Variants in ZNF417 observed in about 807,000 individuals in gnomAD.
ZNF417 encodes the protein zinc finger protein 417.
Under a neutral mutation model 7.4 loss-of-function variants are expected in ZNF417, and 5 were observed. The observed-to-expected ratio is 0.68, with a 90% confidence interval of 0.35 to 1.43. The LOEUF (loss-of-function observed/expected upper bound fraction) is 1.43. Among genes scored for constraint, ZNF417 ranks in the 40% most tolerant of loss-of-function variants. The pLI is 0.04. For synonymous variants in ZNF417, 147 were observed against 239.1 expected (o/e 0.61, Z 3.55); for missense variants, 437 against 697.3 (o/e 0.63, Z 4.20).
At chr19:57,910,772 G>A (rs1191050129) in intron 2 of ZNF417, among the ~76,000 whole-genome samples, 10 of 151,344 alleles carry the variant, frequency 6.6e-5, no homozygotes, top group South Asian at 6.3e-4. Context: ...GACTGGGCGC[G>A]GTGGCTCATG....
intron 1 of ZNF417, among the ~76,000 whole-genome samples, chr19:57,913,405 C>T (rs1189429712): frequency 6.6e-6 from 1 of 152,180 alleles, no homozygotes; most frequent in Admixed American, 6.5e-5. Context: ...TTTTGTGCTG[C>T]ACCAGCTGAG....
At position 57,908,772 on chromosome 19, in the gene ZNF417, A is replaced by G; in HGVS notation, c.1506T>C (p.Leu502=). 6.2e-7 allele frequency: 1 copy of G among 1,613,462 alleles called. No homozygotes were observed. Among genetic ancestry groups the G allele is most frequent in the East Asian group, 2.2e-5 (1 of 44,868 alleles). ...TATGAACATGAAGCGCAGAGCTGGAAAGAAATGATTTCCCACATTCATTGC... is the reference window on the plus strand; with the variant it reads ...TATGAACATGAAGCGCAGAGCTGGAGAGAAATGATTTCCCACATTCATTGC... ...YECNECGKSF[L]SSSALHVHKR... The change falls in exon 3 of 3, where the codon CTT becomes CTC. Residue 502 remains leucine, a synonymous_variant. Transcript: ENST00000312026.
intron 1 of ZNF417, 96 bp downstream of exon 1, chr19:57,916,283 C>T (rs983935355): frequency 5.0e-6 from 8 of 1,606,158 alleles, no homozygotes; most frequent in African/African-American, 2.7e-5. Context: ...ACGCCGGGTA[C>T]CGGCTACAGA....
At chr19:57,916,245 C>A in intron 1 of ZNF417, 134 bp downstream of exon 1, 1 of 1,533,634 alleles carries the variant, frequency 6.5e-7, no homozygotes, top group South Asian at 1.2e-5. Flanking sequence ...TACACAGGGA[C>A]CCCTCCTGCG....
chr19:57,910,158 G>A (rs745481649), intron 2 of ZNF417, 44 bp from the exon 3 acceptor site: 11 of 1,583,508 alleles, frequency 6.9e-6, no homozygotes, highest in African/African-American at 5.4e-5. Flanking sequence ...TACCTCTGAC[G>A]GGAAGGCACA....
rs1416129576 is a variant in ZNF417 at position 57,909,291 on chromosome 19, A to G, written c.987T>C (p.Tyr329=). ...TGERPYECRE[Y]GKSFGQKGNL... ...TACCCTTTTGACCAAAAGATTTCCC[A>G]TATTCTCTACACTCATAAGGCCTTT... The change falls in exon 3 of 3, where the codon TAT becomes TAC. Residue 329 remains tyrosine (Y), a synonymous_variant. Coordinates refer to ENST00000312026, the MANE Select transcript of ZNF417 (RefSeq NM_152475.3). 1.2e-6 allele frequency: 2 copies of G among 1,614,012 alleles called. No homozygotes were observed. Among genetic ancestry groups the G allele is most frequent in the African/African-American group, 1.3e-5 (1 of 74,922 alleles).
At chr19:57,912,619 T>C (rs868322601) in intron 1 of ZNF417, among the ~76,000 whole-genome samples, 2 of 151,682 alleles carry the variant, frequency 1.3e-5, no homozygotes, top group Non-Finnish European at 2.9e-5. Flanking sequence ...TTTTTTGGGG[T>C]TTTTTTTGAG....
In ZNF417 at chr19:57,912,193, T is replaced by C. The variant is rs1328156955; in HGVS notation, c.34-4A>G. ...CTTCAAAGGTCACAGTGCCCTGCTATGATAGTGACAGATGAAACCACAAAC... is the reference window on the plus strand; with the variant it reads ...CTTCAAAGGTCACAGTGCCCTGCTACGATAGTGACAGATGAAACCACAAAC... On this transcript the variant is annotated splice_region_variant and splice_polypyrimidine_tract_variant and intron_variant, in intron 1 of 2. Transcript: ENST00000312026. 3 of 1,612,070 alleles carry C rather than the reference T, an allele frequency of 1.9e-6. No individual in the cohort carries two copies. The highest frequency in any genetic ancestry group is 2.5e-6 in the Non-Finnish European group (3 of 1,179,404).
chr19:57,909,193 C>A lies in ZNF417; in HGVS notation c.1085G>T (p.Arg362Leu). The change falls in exon 3 of 3, where the codon CGT (arginine) becomes CTT (leucine). Residue 362 changes from arginine to leucine, a missense_variant. This residue lies in a region of ZNF417 where 53 missense variants were observed against 91.9 expected (regional missense o/e 0.58). Coordinates refer to ENST00000312026, the MANE Select transcript of ZNF417 (RefSeq NM_152475.3). ...YHCGECGKSF[R>L]QKFCFINHQR... ...ATGGTTAATAAAGCAGAACTTCTGA[C>A]GAAAAGATTTCCCACATTCCCCACA... 1.2e-6 allele frequency: 2 copies of A among 1,613,998 alleles called. No homozygotes were observed. The highest frequency in any genetic ancestry group is 1.1e-5 in the South Asian group (1 of 91,072).
intron 2 of ZNF417, among the ~76,000 whole-genome samples, chr19:57,911,242 C>T (rs1173102586): frequency 6.6e-6 from 1 of 152,138 alleles, no homozygotes; most frequent in Non-Finnish European, 1.5e-5. Flanking sequence ...GTGGATATCA[C>T]AGTAGAAGTG....
chr19:57,908,359 G>C lies in ZNF417; in HGVS notation c.*191C>G, dbSNP rs2071856144. 6 of 1,070,834 alleles carry C rather than the reference G, an allele frequency of 5.6e-6. No individual in the cohort carries two copies. The highest frequency in any genetic ancestry group is 8.0e-6 in the Non-Finnish European group (6 of 750,950). The allele number at this position is 1,070,834 out of a possible 1,614,324, so 66.3% of individuals were successfully genotyped here. A position where few individuals can be genotyped will look rare whatever the true frequency, so the allele number is the denominator to read the frequency against. The stretch of plus-strand genomic sequence containing the variant: ...GCCCAAGTTGCAGTGAGCCAAGATT[G>C]CACCACTGCACTCCAGCCTGGGTGA... On this transcript the variant is annotated 3_prime_UTR_variant, in exon 3 of 3. Transcript: ENST00000312026.
Position 57,906,654 on chromosome 19 carries a change from G to A in ZNF417, c.*1896C>T, listed in dbSNP as rs1374468857. Among the ~76,000 whole-genome samples the A allele has an allele frequency of 7.0e-6, 1 of 142,312 alleles. No homozygotes were observed. Among genetic ancestry groups the A allele is most frequent in the Non-Finnish European group, 1.5e-5 (1 of 64,952 alleles). 93.4% of individuals were successfully genotyped at this position (142,312 alleles called of 152,430 possible). A position where few individuals can be genotyped will look rare whatever the true frequency, so the allele number is the denominator to read the frequency against. On this transcript the variant is annotated 3_prime_UTR_variant, in exon 3 of 3. Transcript: ENST00000312026. ...AGGGAACCTATAGGCCCAGCTACTTGGGAGGCTGAGGCAAGAGAATCACTT... is the reference window on the plus strand; with the variant it reads ...AGGGAACCTATAGGCCCAGCTACTTAGGAGGCTGAGGCAAGAGAATCACTT...
intron 1 of ZNF417, among the ~76,000 whole-genome samples, chr19:57,913,074 C>T (rs1194498569): frequency 3.3e-5 from 5 of 151,672 alleles, no homozygotes; most frequent in Admixed American, 6.6e-5. Flanking sequence ...CTTGATAAAA[C>T]GGGCTGTTAG....
Position 57,912,206 on chromosome 19 carries a change from T to C in ZNF417, c.34-17A>G, listed in dbSNP as rs567660477. The stretch of plus-strand genomic sequence containing the variant: ...AGTGCCCTGCTATGATAGTGACAGA[T>C]GAAACCACAAACAGCCCCTCTGCTG... On this transcript the variant is annotated splice_polypyrimidine_tract_variant and intron_variant, in intron 1 of 2. Coordinates refer to ENST00000312026, the MANE Select transcript of ZNF417 (RefSeq NM_152475.3). The C allele has an allele frequency of 5.0e-6, 8 of 1,612,256 alleles. No homozygotes were observed. In the Admixed American group the frequency reaches 1.0e-4, roughly 20 times the overall value.
At chr19:57,910,275 G>C (rs1016524187) in intron 2 of ZNF417, among the ~76,000 whole-genome samples, 161 bp from the exon 3 acceptor site, 8 of 152,224 alleles carry the variant, frequency 5.3e-5, no homozygotes, top group African/African-American at 1.7e-4. Context: ...GCCGGGCGCA[G>C]TGGCTCACGC....
Position 57,908,443 on chromosome 19 carries a change from GA to G in ZNF417, c.*106del. On this transcript the variant is annotated 3_prime_UTR_variant, in exon 3 of 3. Coordinates refer to ENST00000312026, the MANE Select transcript of ZNF417 (RefSeq NM_152475.3). ...TAAGACCAAGGAGAGCAGACATTCT[GA>G]TGTTTCCCAGATTGACAGCACTCAT... is the stretch of plus-strand genomic sequence containing the variant. 1 of 1,582,476 alleles carries G rather than the reference GA, an allele frequency of 6.3e-7. No homozygotes were observed. The highest frequency in any genetic ancestry group is 8.6e-7 in the Non-Finnish European group (1 of 1,157,940).
At chr19:57,911,965 C>T in intron 2 of ZNF417, 95 bp downstream of exon 2, 2 of 1,504,702 alleles carry the variant, frequency 1.3e-6, no homozygotes, top group South Asian at 2.8e-5. Context: ...GAACCTGTGT[C>T]CAGGCTCCTT....
Position 57,912,221 on chromosome 19 carries a change from C to A in ZNF417, c.34-32G>T, listed in dbSNP as rs557919373. The A allele has an allele frequency of 4.2e-5, 68 of 1,612,262 alleles. No individual in the cohort carries two copies. The South Asian group carries it at 7.3e-4, about 17-fold the overall frequency. On this transcript the variant is annotated intron_variant, in intron 1 of 2. Coordinates refer to ENST00000312026, the MANE Select transcript of ZNF417 (RefSeq NM_152475.3). ...TAGTGACAGATGAAACCACAAACAG[C>A]CCCTCTGCTGAGGTACCACAACCCA...
rs1189511527 is a variant in ZNF417 at position 57,916,588 on chromosome 19, C to A, written c.-177G>T. On this transcript the variant is annotated 5_prime_UTR_variant, in exon 1 of 3. Transcript: ENST00000312026. ...CACCCGCGTCACCGATACACAGCCG[C>A]TACTAGAGACCCCGGAAGTCTCAGC... The A allele has an allele frequency of 8.2e-6, 12 of 1,460,256 alleles. No individual in the cohort carries two copies. The highest frequency in any genetic ancestry group is 1.4e-5 in the African/African-American group (1 of 70,274). 90.5% of individuals were successfully genotyped at this position (1,460,256 alleles called of 1,614,324 possible).
Sources: allele counts gnomAD v4.1 joint callset (sites outside exome capture counted in the v4.1 genomes callset), GRCh38; gene constraint gnomAD v4.1.1; regional missense constraint gnomAD v4.1.1; transcripts MANE v1.5; gene names NCBI Gene and HGNC (gene_info 2026-07-23, HGNC 2026-07-21).